The following GALNT18 variants were observed in gnomAD, a reference collection of about 807,000 sequenced individuals.
The protein encoded by GALNT18 is GalNAc-transferase 18.
A neutral mutation model predicts 69.5 loss-of-function variants in GALNT18; 44 were observed. That is an observed-to-expected ratio of 0.63 (90% CI 0.50 to 0.81). The LOEUF (loss-of-function observed/expected upper bound fraction) is 0.81. Ranked by LOEUF, GALNT18 falls within the 40% of genes least tolerant of loss-of-function variation. GALNT18 has a pLI of 0.00. For synonymous variants in GALNT18, 364 were observed against 318.2 expected, an observed-to-expected ratio of 1.14 and a Z score of -1.53; for missense variants, 715 against 810.0, an observed-to-expected ratio of 0.88 and a Z score of 1.42.
intron 1 of GALNT18, among the ~76,000 whole-genome samples, chr11:11,468,710 G>A (rs1229026782): frequency 6.6e-6 from 1 of 152,130 alleles, no homozygotes; most frequent in Non-Finnish European, 1.5e-5. Context: ...CTCGGGTCTG[G>A]GGGCTTTTTC....
intron 6 of GALNT18, among the ~76,000 whole-genome samples, chr11:11,361,650 T>C (rs1051805565): frequency 6.6e-6 from 1 of 152,242 alleles, no homozygotes; most frequent in Non-Finnish European, 1.5e-5. Flanking sequence ...TTACAGCTTA[T>C]ACTCACTGTT....
rs952071100 is a variant in GALNT18, at chr11:11,444,279, G to C, written c.428+4465C>G. ...CCAGGCCCTGCCTCCCTGCCACAGA[G>C]GCACCAGAGGGACAGTGCTTCTGTG... On this transcript the variant is annotated intron_variant, in intron 2 of 10. Coordinates refer to ENST00000227756, the MANE Select transcript of GALNT18 (RefSeq NM_198516.3). This position sits in a 1 kb window ranked among gnomAD's most constrained non-coding sequence, Gnocchi z 4.4. Among the ~76,000 whole-genome samples, 3 of 152,162 alleles carry C rather than the reference G, an allele frequency of 2.0e-5. No individual in the cohort carries two copies. In the South Asian group the frequency reaches 6.2e-4, roughly 32 times the overall value.
intron 10 of GALNT18, among the ~76,000 whole-genome samples, chr11:11,278,674 G>C (rs1221285822): frequency 6.6e-6 from 1 of 152,060 alleles, no homozygotes; most frequent in African/African-American, 2.4e-5. Flanking sequence ...AATTCCTGGA[G>C]AGAGAATGAT....
chr11:11,556,222 G>A (rs1267498944), intron 1 of GALNT18, among the ~76,000 whole-genome samples: 3 of 152,206 alleles, frequency 2.0e-5, no homozygotes, highest in African/African-American at 7.2e-5. Flanking sequence ...AAACTCTATC[G>A]CTTGATTAAG....
In GALNT18 at chr11:11,341,612, G is replaced by A. The variant is rs1036106996; in HGVS notation, c.1093-608C>T. On this transcript the variant is annotated intron_variant, in intron 6 of 10. Transcript: ENST00000227756. This position sits in a 1 kb window ranked among gnomAD's most constrained non-coding sequence, Gnocchi z 6.3. ...ACCTTGGTGAATAGGAGATTGATCC[G>A]AATGCAATTAGATTTTGAAAGATAA... 3.9e-5 allele frequency among the ~76,000 whole-genome samples: 6 copies of A among 152,310 alleles called. No homozygotes were observed. The highest frequency in any genetic ancestry group is 1.3e-4 in the Admixed American group (2 of 15,294).
In GALNT18 at chr11:11,389,144, G is replaced by A. The variant is rs917679161; in HGVS notation, c.596-9880C>T. Among the ~76,000 whole-genome samples, 4 of 152,208 alleles carry A rather than the reference G, an allele frequency of 2.6e-5. No individual in the cohort carries two copies. Among genetic ancestry groups the A allele is most frequent in the African/African-American group, 7.2e-5 (3 of 41,446 alleles). On this transcript the variant is annotated intron_variant, in intron 3 of 10. Coordinates refer to ENST00000227756, the MANE Select transcript of GALNT18 (RefSeq NM_198516.3). The surrounding 1 kb of genome is among the most constrained non-coding windows in gnomAD (Gnocchi z 4.3). Reference sequence around the variant, plus strand: ...ACGGCAAATGGGAAAAATCAAGGATGAGAGACTTTAAAGAACATATTCCAA... The same window carrying A: ...ACGGCAAATGGGAAAAATCAAGGATAAGAGACTTTAAAGAACATATTCCAA...
rs748970953 is a variant in GALNT18 at position 11,620,330 on chromosome 11, C to CGTGT, written c.235+1028_235+1029insACAC. Reference sequence around the variant, plus strand: ...GTGTGGACGTGAGCGCGCGCGCGCGCGCGTGTGTGTGTGTGTGTGCACACC... The same window carrying CGTGT: ...GTGTGGACGTGAGCGCGCGCGCGCGCGTGTGCGTGTGTGTGTGTGTGTGCACACC... On this transcript the variant is annotated intron_variant, in intron 1 of 10. Coordinates refer to ENST00000227756, the MANE Select transcript of GALNT18 (RefSeq NM_198516.3). This position sits in a 1 kb window ranked among gnomAD's most constrained non-coding sequence, Gnocchi z 6.9. Among the ~76,000 whole-genome samples the CGTGT allele has an allele frequency of 7.6e-6, 1 of 130,846 alleles. No homozygotes were observed. 85.8% of individuals were successfully genotyped at this position (130,846 alleles called of 152,430 possible).
intron 1 of GALNT18, among the ~76,000 whole-genome samples, chr11:11,462,891 A>C (rs1005269989): frequency 5.3e-5 from 8 of 152,110 alleles, no homozygotes; most frequent in Admixed American, 4.6e-4. Context: ...GGGGAAAGGC[A>C]ATCTGCTCAA....
At chr11:11,350,360 T>C (rs1850377408) in intron 6 of GALNT18, among the ~76,000 whole-genome samples, 1 of 152,220 alleles carries the variant, frequency 6.6e-6, no homozygotes, top group Non-Finnish European at 1.5e-5. Context: ...TGCAAATGTG[T>C]GGTCATTGAG....
chr11:11,468,126 A>G (rs1285669485), intron 1 of GALNT18, among the ~76,000 whole-genome samples: 1 of 152,234 alleles, frequency 6.6e-6, no homozygotes, highest in Non-Finnish European at 1.5e-5. Context: ...TATATCATAA[A>G]TGTTGTGCTG....
chr11:11,302,374 G>C (rs903591476), intron 9 of GALNT18, among the ~76,000 whole-genome samples: 1 of 152,112 alleles, frequency 6.6e-6, no homozygotes, highest in Non-Finnish European at 1.5e-5. Context: ...TGTGTCTCTA[G>C]GGACCAGGGC....
At chr11:11,452,183 T>C (rs1235486630) in intron 1 of GALNT18, among the ~76,000 whole-genome samples, 1 of 152,250 alleles carries the variant, frequency 6.6e-6, no homozygotes, top group African/African-American at 2.4e-5. Context: ...CTGAACTCTA[T>C]TTAATTTTCT....
chr11:11,516,249 C>A (rs1221776707), intron 1 of GALNT18, among the ~76,000 whole-genome samples: 1 of 152,150 alleles, frequency 6.6e-6, no homozygotes, highest in Non-Finnish European at 1.5e-5. Context: ...CCCTGAAAAT[C>A]AAAGGAATTT....
intron 1 of GALNT18, among the ~76,000 whole-genome samples, chr11:11,466,208 C>T (rs148232666): frequency 1.3e-5 from 2 of 152,330 alleles, no homozygotes; most frequent in East Asian, 3.9e-4. Context: ...TCATGGCCTG[C>T]TGGGTGGGTT....
intron 3 of GALNT18, among the ~76,000 whole-genome samples, chr11:11,393,379 T>C (rs1337823002): frequency 6.6e-6 from 1 of 152,258 alleles, no homozygotes; most frequent in East Asian, 1.9e-4. Context: ...ATCCCAAATG[T>C]AGAAAAACAA....
intron 1 of GALNT18, among the ~76,000 whole-genome samples, chr11:11,574,456 A>G (rs934310214): frequency 3.0e-4 from 45 of 152,282 alleles, no homozygotes; most frequent in African/African-American, 1.0e-3. Context: ...ACCTCCCTCA[A>G]TTCTTAACTA....
rs1308383487 is a variant in GALNT18, at chr11:11,497,344, AC to A, written c.236-48409del. Among the ~76,000 whole-genome samples the A allele has an allele frequency of 2.0e-5, 3 of 150,304 alleles. No homozygotes were observed. The highest frequency in any genetic ancestry group is 4.4e-5 in the Non-Finnish European group (3 of 67,424). ...CTGTCTCCAACACACACACACACACACACACACACACACACACACACACACA... is the reference window on the plus strand; with the variant it reads ...CTGTCTCCAACACACACACACACACAACACACACACACACACACACACACA... On this transcript the variant is annotated intron_variant, in intron 1 of 10. Transcript: ENST00000227756. This position sits in a 1 kb window ranked among gnomAD's most constrained non-coding sequence, Gnocchi z 4.2.
rs935644254 is a variant in GALNT18 at position 11,356,527 on chromosome 11, T to C, written c.1093-15523A>G. Among the ~76,000 whole-genome samples, 3 of 152,230 alleles carry C rather than the reference T, an allele frequency of 2.0e-5. No individual in the cohort carries two copies. The highest frequency in any genetic ancestry group is 4.4e-5 in the Non-Finnish European group (3 of 68,044). ...TTTCCAAAATTCAGGAAATTAAACA[T>C]TGATACATGACTATTATCAAATCCC... On this transcript the variant is annotated intron_variant, in intron 6 of 10. Coordinates refer to ENST00000227756, the MANE Select transcript of GALNT18 (RefSeq NM_198516.3). This position sits in a 1 kb window ranked among gnomAD's most constrained non-coding sequence, Gnocchi z 4.4.
At chr11:11,297,199 A>T (rs542244887) in intron 9 of GALNT18, among the ~76,000 whole-genome samples, 1 of 152,290 alleles carries the variant, frequency 6.6e-6, no homozygotes, top group Non-Finnish European at 1.5e-5. Context: ...GCAAAGAATT[A>T]TCTAGCCAAA....
Sources: gnomAD v4.1 joint callset for allele counts (sites outside exome capture counted in the v4.1 genomes callset) on GRCh38, gnomAD v4.1.1 for gene constraint, Gnocchi (gnomAD v3.1) non-coding constraint, MANE v1.5 for transcripts, NCBI Gene and HGNC (gene_info 2026-07-23, HGNC 2026-07-21) for gene names.